Variants in GNB1 observed in about 807,000 individuals in gnomAD.
GNB1 encodes G protein subunit beta 1.
A neutral mutation model predicts 42.9 loss-of-function variants in GNB1; 2 were observed. The ratio of observed to expected loss-of-function variants is 0.05; its 90% CI spans 0.02 to 0.15. GNB1 has a LOEUF of 0.15. GNB1 is among the 10% of genes least tolerant of loss of function. GNB1 has a pLI of 1.00. For missense variants in GNB1, 193 were observed against 462.2 expected, an observed-to-expected ratio of 0.42 and a Z score of 5.34; for synonymous variants, 183 against 174.7, an observed-to-expected ratio of 1.05 and a Z score of -0.38.
rs1375546111 is a variant in GNB1, at chr1:1,787,492, T to C, written c.917-55A>G. 9 of 1,039,870 alleles carry C rather than the reference T, an allele frequency of 8.7e-6. No homozygotes were observed. Among genetic ancestry groups the C allele is most frequent in the Non-Finnish European group, 1.1e-5 (7 of 665,772 alleles). 64.4% of individuals were successfully genotyped at this position (1,039,870 alleles called of 1,614,324 possible). On this transcript the variant is annotated intron_variant, in intron 10 of 11. Coordinates refer to ENST00000378609, the MANE Select transcript of GNB1 (RefSeq NM_002074.5). The surrounding 1 kb of genome is among the most constrained non-coding windows in gnomAD (Gnocchi z 4.4). ...AAAGCCCAGAGGCATCGATCTCACC[T>C]GTGTGCCATGTTGTGACGAGGACGG...
intron 1 of GNB1, among the ~76,000 whole-genome samples, chr1:1,868,565 G>A (rs922337413): frequency 6.6e-6 from 1 of 152,030 alleles, no homozygotes; most frequent in Admixed American, 6.6e-5. Flanking sequence ...GGTGAATCAC[G>A]AGGTCAGGAG....
At chr1:1,828,888 C>T (rs1647035476) in intron 2 of GNB1, among the ~76,000 whole-genome samples, 1 of 124,796 alleles carries the variant, frequency 8.0e-6, no homozygotes, top group Non-Finnish European at 1.8e-5. Context: ...CACACACATA[C>T]ACACATACAC....
In GNB1 at chr1:1,807,463, G is replaced by GAAAAAA. The variant is rs533616486; in HGVS notation, c.204-931_204-926dup. ...TGGGCAACAGAGCGAGATCCTGACT[G>GAAAAAA]AAAAAAAAAAAAAAAAAAAAAAAAA... On this transcript the variant is annotated intron_variant, in intron 5 of 11. Transcript: ENST00000378609. Among the ~76,000 whole-genome samples, 102 of 25,580 alleles carry GAAAAAA rather than the reference G, an allele frequency of 4.0e-3. 9 individuals are homozygous for GAAAAAA. The highest frequency in any genetic ancestry group is 9.0e-3 in the African/African-American group (40 of 4,420). 16.8% of individuals were successfully genotyped at this position (25,580 alleles called of 152,430 possible).
intron 1 of GNB1, among the ~76,000 whole-genome samples, chr1:1,869,220 T>C (rs567119162): frequency 6.7e-6 from 1 of 148,710 alleles, no homozygotes; most frequent in African/African-American, 2.5e-5. Flanking sequence ...AAGAATAAGT[T>C]ACTTACAAAA....
chr1:1,835,639 C>A (rs1647136237), intron 2 of GNB1, among the ~76,000 whole-genome samples: 1 of 152,112 alleles, frequency 6.6e-6, no homozygotes, highest in African/African-American at 2.4e-5. Flanking sequence ...TGGAGTTAAT[C>A]AGATAGATGT....
intron 10 of GNB1, chr1:1,788,113 T>C (rs1362552422): frequency 6.6e-6 from 1 of 152,078 alleles, no homozygotes; most frequent in Non-Finnish European, 1.5e-5. Flanking sequence ...CGTTTTTCCT[T>C]TGTCTGTGAT....
intron 1 of GNB1, among the ~76,000 whole-genome samples, chr1:1,842,425 A>C (rs1368610671): frequency 6.8e-6 from 1 of 147,230 alleles, no homozygotes; most frequent in African/African-American, 2.5e-5. Flanking sequence ...ACAGAGTGAG[A>C]CTCCATCTCA....
chr1:1,802,167 C>G (rs1445940166), intron 7 of GNB1, among the ~76,000 whole-genome samples: 1 of 152,126 alleles, frequency 6.6e-6, no homozygotes, highest in East Asian at 1.9e-4. Context: ...AATATTTGAA[C>G]ATGCCAAAAA....
intron 8 of GNB1, among the ~76,000 whole-genome samples, chr1:1,791,938 C>T (rs1301863863): frequency 6.6e-6 from 1 of 152,058 alleles, no homozygotes; most frequent in African/African-American, 2.4e-5. Context: ...TATAATACCA[C>T]AGATGCTTTG....
intron 1 of GNB1, among the ~76,000 whole-genome samples, chr1:1,890,030 G>T (rs939240155): frequency 2.6e-5 from 4 of 152,020 alleles, no homozygotes; most frequent in Admixed American, 2.6e-4. Flanking sequence ...GCCCCACAAA[G>T]GCAGCGGTGG....
intron 2 of GNB1, among the ~76,000 whole-genome samples, chr1:1,828,812 C>A (rs1647034141): frequency 6.6e-6 from 1 of 151,968 alleles, no homozygotes; most frequent in Non-Finnish European, 1.5e-5. Flanking sequence ...GAGGTCAAGT[C>A]GGGAGGACTG....
At chr1:1,870,053 G>T (rs917972221) in intron 1 of GNB1, among the ~76,000 whole-genome samples, 1 of 152,104 alleles carries the variant, frequency 6.6e-6, no homozygotes, top group Non-Finnish European at 1.5e-5. Context: ...TAGAGACGGG[G>T]TTTCACCATA....
intron 6 of GNB1, among the ~76,000 whole-genome samples, chr1:1,805,743 T>C (rs916425825): frequency 6.6e-6 from 1 of 152,048 alleles, no homozygotes; most frequent in Admixed American, 6.6e-5. Flanking sequence ...GGTTTCACCA[T>C]GTTGGCTAGG....
At chr1:1,842,966 T>C (rs1031764204) in intron 1 of GNB1, among the ~76,000 whole-genome samples, 2 of 152,104 alleles carry the variant, frequency 1.3e-5, no homozygotes, top group Admixed American at 6.5e-5. Context: ...CTCAGCACAA[T>C]GAACATTTTA....
At chr1:1,819,383 GGCTAATTTAGTATTTTTAGTAGA>G (rs1557901585) in intron 3 of GNB1, among the ~76,000 whole-genome samples, 1 of 151,834 alleles carries the variant, frequency 6.6e-6, no homozygotes, top group East Asian at 1.9e-4. Context: ...CCACCACACC[GGCTAATTTAGTATTTTTAGTAGA>G]GATGAGGTTT....
intron 4 of GNB1, among the ~76,000 whole-genome samples, chr1:1,816,166 T>C (rs1347164947): frequency 6.6e-6 from 1 of 152,200 alleles, no homozygotes; most frequent in Non-Finnish European, 1.5e-5. Context: ...TCCCTGTCCA[T>C]CCAGGACCAT....
At chr1:1,881,327 C>T (rs1649835046) in intron 1 of GNB1, among the ~76,000 whole-genome samples, 1 of 152,154 alleles carries the variant, frequency 6.6e-6, no homozygotes, top group Non-Finnish European at 1.5e-5. Flanking sequence ...CTCCCCTGAG[C>T]ACTCTACGCT....
At chr1:1,847,716 G>A (rs1300778104) in intron 1 of GNB1, among the ~76,000 whole-genome samples, 2 of 152,012 alleles carry the variant, frequency 1.3e-5, no homozygotes, top group East Asian at 1.9e-4. Context: ...CAGATGCTGC[G>A]CCTGACCTCA....
intron 3 of GNB1, among the ~76,000 whole-genome samples, chr1:1,819,713 T>C (rs1395643374): frequency 2.0e-5 from 3 of 151,694 alleles, no homozygotes; most frequent in Non-Finnish European, 2.9e-5. Context: ...TAATTTTTTT[T>C]TTTTTTTTGT....
Sources: allele counts gnomAD v4.1 joint callset (sites outside exome capture counted in the v4.1 genomes callset), GRCh38; gene constraint gnomAD v4.1.1; non-coding constraint Gnocchi (gnomAD v3.1); transcripts MANE v1.5; gene names NCBI Gene and HGNC (gene_info 2026-07-23, HGNC 2026-07-21).